The following SLC25A12 variants were observed in gnomAD, a reference collection of about 807,000 sequenced individuals.
The protein encoded by SLC25A12 is solute carrier family 25 member 12.
SLC25A12 carries 32 observed loss-of-function variants against 83.3 expected under a neutral mutation model. The observed-to-expected ratio is 0.38, with a 90% CI of 0.29 to 0.52. The LOEUF (loss-of-function observed/expected upper bound fraction) is 0.52. Among genes scored for constraint, SLC25A12 ranks in the 20% least tolerant of loss-of-function variants. The pLI, the probability that SLC25A12 is intolerant of heterozygous loss-of-function variation, is 0.84. For synonymous variants in SLC25A12, 267 were observed against 291.1 expected, an observed-to-expected ratio of 0.92 and a Z score of 0.84; for missense variants, 611 against 835.6, an observed-to-expected ratio of 0.73 and a Z score of 3.31.
rs1396620434 is a variant in SLC25A12 at position 171,815,126 on chromosome 2, G to A, written c.1007C>T (p.Ala336Val). The A allele has an allele frequency of 6.2e-7, 1 of 1,613,074 alleles. No homozygotes were observed. The highest frequency in any genetic ancestry group is 8.5e-7 in the Non-Finnish European group (1 of 1,179,286). The change falls in exon 10 of 18, where the codon GCT becomes GTT. Residue 336 changes from alanine to valine, a missense_variant. Physicochemically the swap from Ala to Val is moderately conservative, Grantham distance 64. Transcript: ENST00000422440. Reference sequence around the variant, plus strand: ...CACACAGACATGTCACTCACCTCCAGCAACTGAGCCCAGAGTGAATCTGTA... The same window carrying A: ...CACACAGACATGTCACTCACCTCCAACAACTGAGCCCAGAGTGAATCTGTA... ...SAYRFTLGSV[A>V]GAVGATAVYP...
chr2:171,866,603 C>CA (rs1685317845), intron 3 of SLC25A12, among the ~76,000 whole-genome samples: 2 of 40,956 alleles, frequency 4.9e-5, no homozygotes, highest in Admixed American at 3.0e-4. Flanking sequence ...CCCCCCACCT[C>CA]CCTCCCGGAC....
Position 171,817,093 on chromosome 2 carries a change from G to C in SLC25A12, c.931-1891C>G, listed in dbSNP as rs186195151. Among the ~76,000 whole-genome samples, 555 of 152,230 alleles carry C rather than the reference G, an allele frequency of 3.6e-3. 1 individual carries two copies. Among genetic ancestry groups the C allele is most frequent in the Non-Finnish European group, 4.7e-3 (317 of 68,016 alleles). ...AAGCAGCCTGCTGTCTACAGACTAG[G>C]AATAGGGCCCTCACCAGTAACTGAA... On this transcript the variant is annotated intron_variant, in intron 9 of 17. Coordinates refer to ENST00000422440, the MANE Select transcript of SLC25A12 (RefSeq NM_003705.5).
At chr2:171,855,154 C>T (rs895999198) in intron 4 of SLC25A12, among the ~76,000 whole-genome samples, 2 of 152,058 alleles carry the variant, frequency 1.3e-5, no homozygotes, top group Non-Finnish European at 2.9e-5. Context: ...GAAAAATTAG[C>T]CAATACTTTT....
intron 11 of SLC25A12, 43 bp from the exon 12 acceptor site, chr2:171,810,319 A>G: frequency 7.0e-7 from 1 of 1,435,980 alleles, no homozygotes; most frequent in Non-Finnish European, 9.8e-7. Context: ...GCTGTACCAG[A>G]CATGAATACA....
chr2:171,804,744 T>C (rs770906182), intron 13 of SLC25A12, among the ~76,000 whole-genome samples: 5 of 152,152 alleles, frequency 3.3e-5, no homozygotes, highest in South Asian at 2.1e-4. Context: ...CCTGTCTCTA[T>C]GAAAAACTTA....
At chr2:171,870,507 A>C (rs1281720072) in intron 2 of SLC25A12, among the ~76,000 whole-genome samples, 1 of 152,044 alleles carries the variant, frequency 6.6e-6, no homozygotes, top group Non-Finnish European at 1.5e-5. Flanking sequence ...TATAGTCCTA[A>C]CTACTCAGGA....
chr2:171,799,986 A>G (rs1244295765), intron 13 of SLC25A12, among the ~76,000 whole-genome samples: 1 of 152,238 alleles, frequency 6.6e-6, no homozygotes, highest in Non-Finnish European at 1.5e-5. Context: ...TAACAATTAA[A>G]AAAGAACAGG....
intron 17 of SLC25A12, among the ~76,000 whole-genome samples, chr2:171,785,824 T>TG (rs1448617758): frequency 6.6e-6 from 1 of 152,106 alleles, no homozygotes; most frequent in Non-Finnish European, 1.5e-5. Context: ...CTTGTAAAGA[T>TG]GGGGTCTTGC....
At chr2:171,819,236 TAATA>T (rs1011952104) in intron 9 of SLC25A12, among the ~76,000 whole-genome samples, 2 of 126,290 alleles carry the variant, frequency 1.6e-5, no homozygotes, top group Non-Finnish European at 3.2e-5. Flanking sequence ...TATATGTATA[TAATA>T]TATACTAATA....
At position 171,798,664 on chromosome 2, in the gene SLC25A12, G is replaced by A. The variant is rs374213413; in HGVS notation, c.1306-4897C>T. Among the ~76,000 whole-genome samples, 23 of 152,270 alleles carry A rather than the reference G, an allele frequency of 1.5e-4. No individual in the cohort carries two copies. In the South Asian group the frequency reaches 3.1e-3, roughly 21 times the overall value. Reference sequence around the variant, plus strand: ...CAGGAACAGACAGTGACTCAGCCTTGCACACCACCAACCGTTCATATTTTT... The same window carrying A: ...CAGGAACAGACAGTGACTCAGCCTTACACACCACCAACCGTTCATATTTTT... On this transcript the variant is annotated intron_variant, in intron 13 of 17. Transcript: ENST00000422440.
chr2:171,849,534 G>A (rs951709020), intron 4 of SLC25A12, among the ~76,000 whole-genome samples: 3 of 149,106 alleles, frequency 2.0e-5, no homozygotes, highest in Admixed American at 6.7e-5. Context: ...TGTCTGTCAC[G>A]CAGGCTGAAG....
chr2:171,891,437 T>C (rs544136284), intron 2 of SLC25A12, among the ~76,000 whole-genome samples: 1 of 152,218 alleles, frequency 6.6e-6, no homozygotes, highest in Non-Finnish European at 1.5e-5. Flanking sequence ...CATAGAATTT[T>C]TAAAGCTAGA....
chr2:171,868,059 G>T (rs958280877), intron 3 of SLC25A12, among the ~76,000 whole-genome samples: 2 of 152,006 alleles, frequency 1.3e-5, no homozygotes, highest in Non-Finnish European at 2.9e-5. Context: ...TGTTAGCCGG[G>T]ATGGTCTCAA....
Position 171,855,928 on chromosome 2 carries a change from A to G in SLC25A12, c.231T>C (p.Phe77=), listed in dbSNP as rs1558933117. The G allele has an allele frequency of 1.2e-6, 2 of 1,609,254 alleles. No individual in the cohort carries two copies. Among genetic ancestry groups the G allele is most frequent in the Non-Finnish European group, 1.7e-6 (2 of 1,175,560 alleles). The change falls in exon 4 of 18, where the codon TTT becomes TTC. Residue 77 remains phenylalanine, a synonymous_variant. Coordinates refer to ENST00000422440, the MANE Select transcript of SLC25A12 (RefSeq NM_003705.5). ...TKDGLISYQE[F]LAFESVLCAP... is the part of the protein sequence containing the mutation. ...CACATAAAACAGATTCAAATGCCAA[A>G]AACTCTTGATAGGAGATCAACCTGG... is the stretch of plus-strand genomic sequence containing the variant.
chr2:171,836,645 A>C (rs1165173103), intron 6 of SLC25A12, among the ~76,000 whole-genome samples: 1 of 152,144 alleles, frequency 6.6e-6, no homozygotes, highest in Non-Finnish European at 1.5e-5. Context: ...GGCAGACAGC[A>C]CCCTGAAGGC....
At chr2:171,789,459 A>C (rs1263861711) in intron 15 of SLC25A12, among the ~76,000 whole-genome samples, 11 of 151,960 alleles carry the variant, frequency 7.2e-5, no homozygotes, top group Admixed American at 6.6e-5. Flanking sequence ...CGATCTCCTG[A>C]CCTCGTGATC....
intron 13 of SLC25A12, among the ~76,000 whole-genome samples, chr2:171,795,256 C>T (rs1351678635): frequency 6.6e-5 from 10 of 152,184 alleles, no homozygotes; most frequent in African/African-American, 1.9e-4. Context: ...CAATCCAGAC[C>T]ACTGGCACAC....
chr2:171,858,238 C>T (rs547205030), intron 3 of SLC25A12, among the ~76,000 whole-genome samples: 2 of 152,106 alleles, frequency 1.3e-5, no homozygotes, highest in Admixed American at 1.3e-4. Flanking sequence ...CCTTGATTGT[C>T]CAATGTTAAT....
intron 2 of SLC25A12, among the ~76,000 whole-genome samples, chr2:171,879,895 T>C (rs1178158764): frequency 1.3e-5 from 2 of 152,222 alleles, no homozygotes; most frequent in Non-Finnish European, 2.9e-5. Flanking sequence ...ATGCAATGTA[T>C]GAATCTAGCT....
Sources: allele counts gnomAD v4.1 joint callset (sites outside exome capture counted in the v4.1 genomes callset), GRCh38; gene constraint gnomAD v4.1.1; transcripts MANE v1.5; gene names NCBI Gene and HGNC (gene_info 2026-07-23, HGNC 2026-07-21).